The following SCAI variants were observed in gnomAD, a reference collection of about 807,000 sequenced individuals.
SCAI encodes the protein suppressor of cancer cell invasion.
SCAI carries 24 observed loss-of-function variants against 92.2 expected under a neutral mutation model. The ratio of observed to expected loss-of-function variants is 0.26; its 90% confidence interval spans 0.19 to 0.37. The LOEUF (loss-of-function observed/expected upper bound fraction) is 0.37, where lower values mean the gene tolerates loss of function less well. Among genes scored for constraint, SCAI ranks in the 10% least tolerant of loss-of-function variants. The probability of loss-of-function intolerance (pLI) is 1.00; values close to 1 mark genes in which losing one functional copy is unlikely to be tolerated. For missense variants in SCAI, 450 were observed against 736.2 expected, an observed-to-expected ratio of 0.61 and a Z score of 4.50; for synonymous variants, 261 against 258.6, an observed-to-expected ratio of 1.01 and a Z score of -0.09.
At chr9:124,973,917 T>C (rs1831707090) in intron 15 of SCAI, among the ~76,000 whole-genome samples, 2 of 152,186 alleles carry the variant, frequency 1.3e-5, no homozygotes, top group African/African-American at 4.8e-5. Context: ...GCTGGAACAC[T>C]CTTGCTCGGT....
In SCAI at chr9:125,142,675, A is replaced by G. The variant is rs771180910; in HGVS notation, c.56T>C (p.Leu19Pro). The G allele has an allele frequency of 6.2e-7, 1 of 1,613,458 alleles. No homozygotes were observed. Among genetic ancestry groups the G allele is most frequent in the Non-Finnish European group, 8.5e-7 (1 of 1,179,398 alleles). Residue 19 changes from leucine (L) to proline (P), a missense_variant and splice_region_variant, in exon 2 of 18, where the codon CTG (leucine) becomes CCG (proline). Coordinates refer to ENST00000336505, the MANE Select transcript of SCAI (RefSeq NM_001144877.3). ...QQPRSRLAPR[L>P]TGTVEKPPRK... is the part of the protein sequence containing the mutation. The stretch of plus-strand genomic sequence containing the variant: ...AGGCGGTTTCTCCACTGTGCCAGTC[A>G]GTCTGCAGACCAAACAAATAAGACG...
Position 124,952,560 on chromosome 9 carries a change from T to C in SCAI, c.*247A>G. ...TGAGTGTAGGATTAGAAGTTGGAGG[T>C]AAATATCCATCCCTCAAAATCAAAA... On this transcript the variant is annotated 3_prime_UTR_variant, in exon 18 of 18. Coordinates refer to ENST00000336505, the MANE Select transcript of SCAI (RefSeq NM_001144877.3). The C allele has an allele frequency of 2.8e-6, 1 of 362,378 alleles. No homozygotes were observed. The highest frequency in any genetic ancestry group is 5.3e-5 in the East Asian group (1 of 18,976). The allele number at this position is 362,378 out of a possible 1,614,324, so 22.4% of individuals were successfully genotyped here. A position where few individuals can be genotyped will look rare whatever the true frequency, so the allele number is the denominator to read the frequency against.
At chr9:125,006,512 G>C (rs1832511565) in intron 9 of SCAI, among the ~76,000 whole-genome samples, 1 of 151,694 alleles carries the variant, frequency 6.6e-6, no homozygotes, top group African/African-American at 2.4e-5. Flanking sequence ...ATTCATTTGA[G>C]ACGGAGTCTC....
At chr9:125,122,499 G>C (rs2131251047) in intron 2 of SCAI, among the ~76,000 whole-genome samples, 1 of 140,726 alleles carries the variant, frequency 7.1e-6, no homozygotes, top group Middle Eastern at 4.5e-3. Flanking sequence ...TGAGGCAGGA[G>C]AATCACTTGA....
In SCAI at chr9:124,952,314, C is replaced by G. The variant is rs1831245014; in HGVS notation, c.*493G>C. 1 of 152,130 alleles carries G rather than the reference C, an allele frequency of 6.6e-6. No individual in the cohort carries two copies. Among genetic ancestry groups the G allele is most frequent in the Non-Finnish European group, 1.5e-5 (1 of 68,036 alleles). The allele number at this position is 152,130 out of a possible 1,614,324, so 9.4% of individuals were successfully genotyped here. On this transcript the variant is annotated 3_prime_UTR_variant, in exon 18 of 18. Transcript: ENST00000336505. The stretch of plus-strand genomic sequence containing the variant: ...CTGGCTTGATCATGTTTCAAAGGAT[C>G]AAACATTTTTCTACCAGCTAAGTTG...
At chr9:125,129,167 A>G (rs1293252088) in intron 2 of SCAI, among the ~76,000 whole-genome samples, 2 of 151,888 alleles carry the variant, frequency 1.3e-5, no homozygotes, top group African/African-American at 2.4e-5. Context: ...AGACAGGCAC[A>G]GTGGCACTCA....
chr9:125,021,767 C>T (rs1832875105), intron 6 of SCAI, among the ~76,000 whole-genome samples: 2 of 152,030 alleles, frequency 1.3e-5, no homozygotes, highest in Admixed American at 6.6e-5. Context: ...GATTGACAAA[C>T]TTATTGACTT....
At chr9:125,100,844 A>G (rs1168498584) in intron 2 of SCAI, among the ~76,000 whole-genome samples, 1 of 152,166 alleles carries the variant, frequency 6.6e-6, no homozygotes, top group Non-Finnish European at 1.5e-5. Context: ...GTGGTAGAAA[A>G]TTATTCTAGG....
chr9:125,134,263 C>G (rs1835467134), intron 2 of SCAI, among the ~76,000 whole-genome samples: 1 of 152,038 alleles, frequency 6.6e-6, no homozygotes, highest in African/African-American at 2.4e-5. Flanking sequence ...TCCTATAAAC[C>G]CTTTGTATGT....
At chr9:125,108,253 C>A (rs1473419119) in intron 2 of SCAI, among the ~76,000 whole-genome samples, 1 of 152,226 alleles carries the variant, frequency 6.6e-6, no homozygotes, top group Non-Finnish European at 1.5e-5. Context: ...CCAGCCGCCA[C>A]CCCGTCTGGG....
chr9:124,999,994 TA>T lies in SCAI; in HGVS notation c.1145-5del, dbSNP rs774454680. ...ACACCTCCAAAATCATAAGGACCTA[TA>T]AAAACAAAGGGAAGAATCCTAGACT... On this transcript the variant is annotated splice_region_variant and splice_polypyrimidine_tract_variant and intron_variant, in intron 12 of 17. Coordinates refer to ENST00000336505, the MANE Select transcript of SCAI (RefSeq NM_001144877.3). 5.6e-5 allele frequency: 81 copies of T among 1,451,814 alleles called. 1 individual carries two copies. The Middle Eastern group carries it at 8.7e-4, about 16-fold the overall frequency. 89.9% of individuals were successfully genotyped at this position (1,451,814 alleles called of 1,614,324 possible).
chr9:125,037,686 G>A (rs1483511889), intron 3 of SCAI, among the ~76,000 whole-genome samples: 12 of 152,094 alleles, frequency 7.9e-5, no homozygotes, highest in African/African-American at 9.7e-5. Flanking sequence ...AGGCCAAGGC[G>A]GGCGGATCAT....
At position 124,950,754 on chromosome 9, in the gene SCAI, T is replaced by A. The variant is rs970021230; in HGVS notation, c.*2053A>T. ...TTGAAAGAACAAACAAAAAAATTTT[T>A]AAAAAGTAAACAGGCCAGGTACAGT... On this transcript the variant is annotated 3_prime_UTR_variant, in exon 18 of 18. Transcript: ENST00000336505. 2.6e-5 allele frequency: 4 copies of A among 152,022 alleles called. No homozygotes were observed. The highest frequency in any genetic ancestry group is 7.2e-5 in the African/African-American group (3 of 41,390). The allele number at this position is 152,022 out of a possible 1,614,324, so 9.4% of individuals were successfully genotyped here. A position where few individuals can be genotyped will look rare whatever the true frequency, so the allele number is the denominator to read the frequency against.
chr9:125,024,664 T>C (rs569192385), intron 6 of SCAI, among the ~76,000 whole-genome samples: 2 of 152,304 alleles, frequency 1.3e-5, no homozygotes, highest in South Asian at 4.1e-4. Flanking sequence ...ACACTGACTC[T>C]TTAACTATAC....
chr9:125,099,466 G>C (rs1459164755), intron 2 of SCAI, among the ~76,000 whole-genome samples: 1 of 152,052 alleles, frequency 6.6e-6, no homozygotes, highest in Non-Finnish European at 1.5e-5. Flanking sequence ...ATTTTTAGTA[G>C]AGACAGGGTT....
intron 17 of SCAI, chr9:124,968,726 A>G: frequency 2.9e-6 from 4 of 1,386,654 alleles, no homozygotes; most frequent in Non-Finnish European, 3.1e-6. Context: ...GCTTTTTGAC[A>G]TTCCGAATCT....
intron 2 of SCAI, among the ~76,000 whole-genome samples, chr9:125,068,443 T>C (rs1006865996): frequency 1.3e-5 from 2 of 152,048 alleles, no homozygotes; most frequent in Non-Finnish European, 2.9e-5. Context: ...GAGGTTACAG[T>C]GAGCTGACTG....
rs1834426587 is a variant in SCAI at position 125,091,438 on chromosome 9, T to C, written c.99-35431A>G. Reference sequence around the variant, plus strand: ...TTTTGCTTTTTTAATGACCTGTCATTCACTAAGTTTAGCCTTCCAAAATGG... The same window carrying C: ...TTTTGCTTTTTTAATGACCTGTCATCCACTAAGTTTAGCCTTCCAAAATGG... On this transcript the variant is annotated intron_variant, in intron 2 of 17. Transcript: ENST00000336505. The surrounding 1 kb of genome is among the most constrained non-coding windows in gnomAD (Gnocchi z 4.3). 6.6e-6 allele frequency among the ~76,000 whole-genome samples: 1 copy of C among 152,188 alleles called. No homozygotes were observed. The highest frequency in any genetic ancestry group is 1.5e-5 in the Non-Finnish European group (1 of 68,030).
chr9:125,075,726 C>T (rs1057262562), intron 2 of SCAI, among the ~76,000 whole-genome samples: 1 of 152,052 alleles, frequency 6.6e-6, no homozygotes, highest in Non-Finnish European at 1.5e-5. Flanking sequence ...CCACCATGCC[C>T]GGCTAGTTTT....
Sources: gnomAD v4.1 joint callset for allele counts (sites outside exome capture counted in the v4.1 genomes callset) on GRCh38, gnomAD v4.1.1 for gene constraint, Gnocchi (gnomAD v3.1) non-coding constraint, MANE v1.5 for transcripts, NCBI Gene and HGNC (gene_info 2026-07-23, HGNC 2026-07-21) for gene names.